Variants in SORD observed in about 807,000 individuals in gnomAD.
SORD encodes (R,R)-butanediol dehydrogenase.
SORD carries 18 observed loss-of-function variants against 35.6 expected under a neutral mutation model. The ratio of observed to expected loss-of-function variants is 0.51; its 90% CI spans 0.35 to 0.75. SORD has a LOEUF of 0.75. Ranked by LOEUF, SORD falls within the 30% of genes least tolerant of loss-of-function variation. The pLI is 0.01. For synonymous variants in SORD, 106 were observed against 152.9 expected (o/e 0.69, Z 2.26); for missense variants, 250 against 390.2 (o/e 0.64, Z 3.03).
chr15:45,057,791 CAAAA>C (rs1180155514), intron 3 of SORD, among the ~76,000 whole-genome samples: 1 of 151,610 alleles, frequency 6.6e-6, no homozygotes, highest in Non-Finnish European at 1.5e-5. Context: ...TCAAAAAAAA[CAAAA>C]AGAAAGAAAG....
intron 3 of SORD, chr15:45,058,588 C>G (rs1893254193): frequency 6.6e-6 from 1 of 152,148 alleles, no homozygotes. Flanking sequence ...GTGAAGCAGT[C>G]TAGGGTCAGT....
At position 45,045,583 on chromosome 15, in the gene SORD, A is replaced by G. The variant is rs77474608; in HGVS notation, c.265+2162A>G. 1.6e-4 allele frequency among the ~76,000 whole-genome samples: 25 copies of G among 152,034 alleles called. No individual in the cohort carries two copies. In the East Asian group the frequency reaches 4.4e-3, roughly 27 times the overall value. On this transcript the variant is annotated intron_variant, in intron 3 of 8. Transcript: ENST00000267814. ...AAAAAAAAAAAAGAGGAAGTGAACA[A>G]CAAAATTACAGATATGAGAGTAACA...
intron 4 of SORD, 150 bp from the exon 5 acceptor site, chr15:45,065,121 A>G: frequency 1.6e-6 from 1 of 634,808 alleles, no homozygotes; most frequent in Non-Finnish European, 2.8e-6. Flanking sequence ...GTTAATGTAT[A>G]TAAATTGCTT....
intron 3 of SORD, chr15:45,058,432 C>T (rs1022082995): frequency 7.9e-5 from 12 of 152,068 alleles, no homozygotes; most frequent in Admixed American, 6.6e-4. Context: ...CTGCACTAAC[C>T]ACTCTTAACT....
chr15:45,026,258 G>A (rs1299181471), intron 1 of SORD, among the ~76,000 whole-genome samples: 1 of 152,192 alleles, frequency 6.6e-6, no homozygotes, highest in Non-Finnish European at 1.5e-5. Flanking sequence ...GTAAACCAGA[G>A]ATAGCAACTA....
rs1893459811 is a variant in SORD, at chr15:45,069,035, A to T, written c.769A>T (p.Ile257Phe). The part of the protein sequence containing the change: ...TIECTGAEAS[I>F]QAGIYATRSG... ...CGAGTGCACGGGGGCAGAGGCCTCC[A>T]TCCAGGCGGGCATCTACGTGAGTGG... Residue 257 changes from isoleucine to phenylalanine, a missense_variant, in exon 7 of 9, where the codon ATC becomes TTC. By Grantham distance (21) the Ile-to-Phe change is conservative. This residue lies in a region of SORD where 44 missense variants were observed against 54.5 expected (regional missense o/e 0.81). Transcript: ENST00000267814. The T allele has an allele frequency of 6.2e-7, 1 of 1,611,078 alleles. No homozygotes were observed. The highest frequency in any genetic ancestry group is 1.3e-5 in the African/African-American group (1 of 74,624).
chr15:45,065,496 T>C, intron 5 of SORD, 107 bp downstream of exon 5: 1 of 1,492,236 alleles, frequency 6.7e-7, no homozygotes, highest in East Asian at 2.3e-5. Flanking sequence ...CTAGAATCCT[T>C]CTGGGTAAGG....
chr15:45,027,796 C>G (rs1411116958), intron 1 of SORD, among the ~76,000 whole-genome samples: 2 of 152,166 alleles, frequency 1.3e-5, no homozygotes, highest in African/African-American at 2.4e-5. Context: ...CCCATAGAAG[C>G]TATGTTTGGT....
At chr15:45,040,585 G>C in intron 2 of SORD, 144 bp downstream of exon 2, 1 of 680,000 alleles carries the variant, frequency 1.5e-6, no homozygotes, top group Non-Finnish European at 2.6e-6. Context: ...GTTAGGCTGA[G>C]AACAGAGTCT....
chr15:45,028,696 C>A (rs796766613), intron 1 of SORD, among the ~76,000 whole-genome samples: 31,170 of 150,558 alleles, frequency 0.21, no homozygotes, highest in African/African-American at 0.44. Flanking sequence ...ACTCGGAGGT[C>A]CATGAAGATA....
intron 3 of SORD, among the ~76,000 whole-genome samples, chr15:45,055,818 T>C (rs1014111718): frequency 4.6e-5 from 7 of 152,190 alleles, no homozygotes; most frequent in Admixed American, 1.3e-4. Context: ...ATCCCTGGGA[T>C]GCAAGGCTGG....
At chr15:45,055,058 A>G (rs979919521) in intron 3 of SORD, among the ~76,000 whole-genome samples, 9 of 152,054 alleles carry the variant, frequency 5.9e-5, no homozygotes, top group African/African-American at 2.2e-4. Context: ...GCCTTGTAGT[A>G]TAGTTTGAAG....
chr15:45,056,100 C>T (rs1893210418), intron 3 of SORD, among the ~76,000 whole-genome samples: 1 of 147,826 alleles, frequency 6.8e-6, no homozygotes, highest in Non-Finnish European at 1.5e-5. Context: ...TGCCCTCTCT[C>T]ACCACTCCTA....
intron 3 of SORD, among the ~76,000 whole-genome samples, chr15:45,044,933 AG>A (rs983758985): frequency 5.9e-5 from 9 of 152,000 alleles, no homozygotes; most frequent in African/African-American, 1.7e-4. Context: ...CCTGACCTCA[AG>A]TGATCTGCCC....
chr15:45,031,388 C>T (rs1322399875), intron 1 of SORD, among the ~76,000 whole-genome samples: 1 of 151,852 alleles, frequency 6.6e-6, no homozygotes, highest in Non-Finnish European at 1.5e-5. Flanking sequence ...AGCACGCTGA[C>T]TGATGAACAG....
At chr15:45,063,002 G>A (rs1453270287) in intron 4 of SORD, among the ~76,000 whole-genome samples, 1 of 148,380 alleles carries the variant, frequency 6.7e-6, no homozygotes, top group African/African-American at 2.6e-5. Context: ...TAGTGGTCTG[G>A]GCATGGAGGT....
chr15:45,028,444 T>G (rs1192757392), intron 1 of SORD, among the ~76,000 whole-genome samples: 1 of 152,278 alleles, frequency 6.6e-6, no homozygotes, highest in African/African-American at 2.4e-5. Flanking sequence ...ATCTCCCTTC[T>G]TCCTGAAAGC....
intron 2 of SORD, chr15:45,042,527 T>TAAATAAAGAAAGAAAG (rs1409982883): frequency 6.9e-6 from 1 of 145,514 alleles, no homozygotes; most frequent in African/African-American, 2.6e-5. Context: ...AATAAATAAA[T>TAAATAAAGAAAGAAAG]AAAGGAAAGA....
chr15:45,035,898 A>G (rs1308884412), intron 1 of SORD, among the ~76,000 whole-genome samples: 1 of 151,326 alleles, frequency 6.6e-6, no homozygotes, highest in Non-Finnish European at 1.5e-5. Flanking sequence ...GAAGGAAGAA[A>G]CTCCGAACAC....
Sources: allele counts gnomAD v4.1 joint callset (sites outside exome capture counted in the v4.1 genomes callset), GRCh38; gene constraint gnomAD v4.1.1; regional missense constraint gnomAD v4.1.1; transcripts MANE v1.5; gene names NCBI Gene and HGNC (gene_info 2026-07-23, HGNC 2026-07-21).